Variants in KCNMB2 observed in about 807,000 individuals in gnomAD.
KCNMB2 encodes the protein potassium calcium-activated channel subfamily M regulatory beta subunit 2, also known as calcium-activated potassium channel subunit beta-2.
Under a neutral mutation model 24.5 loss-of-function variants are expected in KCNMB2, and 9 were observed. The ratio of observed to expected loss-of-function variants is 0.37; its 90% CI spans 0.22 to 0.64. The LOEUF (loss-of-function observed/expected upper bound fraction) is 0.64. Among genes scored for constraint, KCNMB2 ranks in the 30% least tolerant of loss-of-function variants. KCNMB2 has a pLI of 0.63. For synonymous variants in KCNMB2, 109 were observed against 104.4 expected, an observed-to-expected ratio of 1.04 and a Z score of -0.27; for missense variants, 226 against 284.3, an observed-to-expected ratio of 0.79 and a Z score of 1.47.
At chr3:178,598,572 G>C (rs985512555) in intron 1 of KCNMB2, among the ~76,000 whole-genome samples, 3 of 151,992 alleles carry the variant, frequency 2.0e-5, no homozygotes, top group African/African-American at 7.2e-5. Context: ...TAGAAGAAAG[G>C]GGGAAGGAGG....
chr3:178,597,299 C>A (rs890948609), intron 1 of KCNMB2, among the ~76,000 whole-genome samples: 5 of 152,064 alleles, frequency 3.3e-5, no homozygotes, highest in African/African-American at 1.2e-4. Flanking sequence ...TTAATAGGTA[C>A]AAAGATACAC....
rs537035446 is a variant in KCNMB2 at position 178,787,585 on chromosome 3, A to G, written c.-67-19758A>G. ...AGGAGCAAAGCCTAGGTTTGGGTCCATCTGTTCATATTCTTACCATTATAT... is the reference window on the plus strand; with the variant it reads ...AGGAGCAAAGCCTAGGTTTGGGTCCGTCTGTTCATATTCTTACCATTATAT... On this transcript the variant is annotated intron_variant, in intron 1 of 4. Coordinates refer to ENST00000452583, the MANE Select transcript of KCNMB2 (RefSeq NM_181361.3). Among the ~76,000 whole-genome samples, 843 of 152,272 alleles carry G rather than the reference A, an allele frequency of 5.5e-3. 4 individuals carry two copies. The highest frequency in any genetic ancestry group is 7.2e-3 in the Non-Finnish European group (489 of 67,996).
At chr3:178,556,400 G>GT (rs535390634) in intron 1 of KCNMB2, among the ~76,000 whole-genome samples, 3 of 152,198 alleles carry the variant, frequency 2.0e-5, no homozygotes, top group Admixed American at 6.5e-5. Flanking sequence ...ACATAGTTGG[G>GT]TTTTTTTGTT....
At chr3:178,650,557 C>T (rs563917542) in intron 1 of KCNMB2, among the ~76,000 whole-genome samples, 3 of 152,088 alleles carry the variant, frequency 2.0e-5, no homozygotes, top group African/African-American at 7.2e-5. Flanking sequence ...TCACTCATTT[C>T]ATGAGGCCAG....
At chr3:178,766,627 C>A (rs1315249599) in intron 1 of KCNMB2, among the ~76,000 whole-genome samples, 1 of 152,112 alleles carries the variant, frequency 6.6e-6, no homozygotes, top group Non-Finnish European at 1.5e-5. Context: ...GATATGCCTT[C>A]CCAACTAGAT....
intron 1 of KCNMB2, among the ~76,000 whole-genome samples, chr3:178,787,885 A>G (rs1713171387): frequency 1.3e-5 from 2 of 152,198 alleles, no homozygotes; most frequent in Non-Finnish European, 2.9e-5. Flanking sequence ...TATCTTCACC[A>G]ATGAACAGTT....
intron 1 of KCNMB2, among the ~76,000 whole-genome samples, chr3:178,686,043 TGTGAGA>T (rs1721458031): frequency 1.3e-5 from 2 of 151,816 alleles, no homozygotes; most frequent in African/African-American, 4.8e-5. Flanking sequence ...ATTGTGTGTG[TGTGAGA>T]GAGAGAGAGA....
At chr3:178,610,914 A>G (rs1236471562) in intron 1 of KCNMB2, among the ~76,000 whole-genome samples, 2 of 152,134 alleles carry the variant, frequency 1.3e-5, no homozygotes, top group Non-Finnish European at 2.9e-5. Flanking sequence ...TTCTATACCT[A>G]GTCTTCCTGA....
intron 1 of KCNMB2, among the ~76,000 whole-genome samples, chr3:178,625,476 T>G (rs1488586715): frequency 6.6e-6 from 1 of 152,076 alleles, no homozygotes; most frequent in Non-Finnish European, 1.5e-5. Context: ...TTGGGGTCAA[T>G]GCCGGGGTGG....
At chr3:178,608,420 C>T (rs983485762) in intron 1 of KCNMB2, among the ~76,000 whole-genome samples, 2 of 151,862 alleles carry the variant, frequency 1.3e-5, no homozygotes, top group African/African-American at 2.4e-5. Flanking sequence ...ATAGTAGGTG[C>T]ATATATTTAT....
chr3:178,690,891 C>T (rs771927897), intron 1 of KCNMB2, among the ~76,000 whole-genome samples: 1 of 151,954 alleles, frequency 6.6e-6, no homozygotes, highest in Non-Finnish European at 1.5e-5. Context: ...ATCTAGCGAT[C>T]TATAGGTCAA....
intron 2 of KCNMB2, among the ~76,000 whole-genome samples, chr3:178,823,509 T>G (rs1463908502): frequency 6.6e-6 from 1 of 152,158 alleles, no homozygotes; most frequent in African/African-American, 2.4e-5. Context: ...AAAGAGAACT[T>G]TAAAATAATA....
At chr3:178,574,514 C>T (rs1173807261) in intron 1 of KCNMB2, among the ~76,000 whole-genome samples, 2 of 152,164 alleles carry the variant, frequency 1.3e-5, no homozygotes, top group African/African-American at 2.4e-5. Context: ...TGTTGATTCT[C>T]TTTATGGCTT....
chr3:178,807,375 T>C lies in KCNMB2; in HGVS notation c.-35T>C. 1 of 1,595,466 alleles carries C rather than the reference T, an allele frequency of 6.3e-7. No homozygotes were observed. The highest frequency in any genetic ancestry group is 8.6e-7 in the Non-Finnish European group (1 of 1,164,034). On this transcript the variant is annotated 5_prime_UTR_variant, in exon 2 of 5. Transcript: ENST00000452583. ...TGCCATTCCTCCAGGACATCCACCA[T>C]AAGGAAAGGAGACCCTGGACCAACA...
intron 1 of KCNMB2, among the ~76,000 whole-genome samples, chr3:178,586,473 A>T (rs1382160066): frequency 7.1e-6 from 1 of 140,262 alleles, no homozygotes; most frequent in Non-Finnish European, 1.5e-5. Context: ...GCCTGTCATA[A>T]TTTTTTTTCA....
intron 1 of KCNMB2, among the ~76,000 whole-genome samples, chr3:178,782,684 G>C (rs1391238836): frequency 6.6e-6 from 1 of 150,642 alleles, no homozygotes; most frequent in Non-Finnish European, 1.5e-5. Context: ...GTAGATTCTG[G>C]ATATTAGCCC....
chr3:178,843,010 T>G lies in KCNMB2; in HGVS notation c.*73T>G, dbSNP rs1026633774. The G allele has an allele frequency of 7.6e-6, 10 of 1,312,082 alleles. No individual in the cohort carries two copies. In the African/African-American group the frequency reaches 1.2e-4, roughly 15 times the overall value. 81.3% of individuals were successfully genotyped at this position (1,312,082 alleles called of 1,614,324 possible). A position where few individuals can be genotyped will look rare whatever the true frequency, so the allele number is the denominator to read the frequency against. ...TCTTTCATTCTTCACCAAAGAACCT[T>G]AAGTTTGTAACGTGCAGTCTGTTAT... On this transcript the variant is annotated 3_prime_UTR_variant, in exon 5 of 5. Coordinates refer to ENST00000452583, the MANE Select transcript of KCNMB2 (RefSeq NM_181361.3).
chr3:178,634,763 T>C (rs2108541725), intron 1 of KCNMB2, among the ~76,000 whole-genome samples: 1 of 152,288 alleles, frequency 6.6e-6, no homozygotes, highest in South Asian at 2.1e-4. Flanking sequence ...GGGAGAAATA[T>C]TTAAGAAGGC....
chr3:178,681,469 T>C (rs1721269910), intron 1 of KCNMB2, among the ~76,000 whole-genome samples: 1 of 152,218 alleles, frequency 6.6e-6, no homozygotes, highest in Admixed American at 6.5e-5. Flanking sequence ...AAATGAGTTT[T>C]CAAGTCAGGT....
Sources: gnomAD v4.1 joint callset for allele counts (sites outside exome capture counted in the v4.1 genomes callset) on GRCh38, gnomAD v4.1.1 for gene constraint, MANE v1.5 for transcripts, NCBI Gene and HGNC (gene_info 2026-07-23, HGNC 2026-07-21) for gene names.